Variants in SCUBE1 observed in about 807,000 individuals in gnomAD.
SCUBE1 encodes signal peptide, CUB and EGF-like domain-containing protein 1.
Under a neutral mutation model 124.4 loss-of-function variants are expected in SCUBE1, and 59 were observed. That is an observed-to-expected ratio of 0.47 (90% confidence interval 0.38 to 0.59). SCUBE1 has a LOEUF of 0.59. Among genes scored for constraint, SCUBE1 ranks in the 20% least tolerant of loss-of-function variants. SCUBE1 has a pLI of 0.00. For missense variants in SCUBE1, 1,150 were observed against 1,371.2 expected (o/e 0.84, Z 2.55); for synonymous variants, 545 against 550.9 (o/e 0.99, Z 0.15).
chr22:43,337,460 C>A (rs1927120412), intron 2 of SCUBE1, among the ~76,000 whole-genome samples: 1 of 152,194 alleles, frequency 6.6e-6, no homozygotes, highest in Non-Finnish European at 1.5e-5. Flanking sequence ...AAAGCGGTCA[C>A]ACCAGCCTCA....
At chr22:43,269,518 C>A (rs962291940) in intron 4 of SCUBE1, among the ~76,000 whole-genome samples, 13 of 152,112 alleles carry the variant, frequency 8.5e-5, no homozygotes, top group Non-Finnish European at 1.5e-4. Flanking sequence ...GTTGCTATGG[C>A]GACTTCATCA....
At chr22:43,322,443 A>G (rs901659161) in intron 2 of SCUBE1, among the ~76,000 whole-genome samples, 3 of 152,084 alleles carry the variant, frequency 2.0e-5, no homozygotes, top group African/African-American at 7.2e-5. Context: ...TCATCAACCT[A>G]CAGTTACCTG....
chr22:43,299,998 C>T (rs1925707175), intron 3 of SCUBE1, among the ~76,000 whole-genome samples: 1 of 152,242 alleles, frequency 6.6e-6, no homozygotes, highest in Admixed American at 6.5e-5. Context: ...ATTGCATGGA[C>T]AGACCACATT....
At chr22:43,313,493 G>A (rs1227490599) in intron 3 of SCUBE1, among the ~76,000 whole-genome samples, 1 of 152,218 alleles carries the variant, frequency 6.6e-6, no homozygotes, top group Non-Finnish European at 1.5e-5. Context: ...AATTTAAGAT[G>A]AAAACAATCT....
At chr22:43,337,519 G>A (rs896971210) in intron 2 of SCUBE1, among the ~76,000 whole-genome samples, 8 of 152,176 alleles carry the variant, frequency 5.3e-5, no homozygotes, top group South Asian at 2.1e-4. Context: ...GCCAGCAGCC[G>A]GGCCAGCCGC....
intron 15 of SCUBE1, among the ~76,000 whole-genome samples, chr22:43,216,192 G>C (rs1271226187): frequency 1.3e-5 from 2 of 151,696 alleles, no homozygotes; most frequent in South Asian, 4.2e-4. Context: ...GATTGCAGGC[G>C]CTCGCCACCA....
At chr22:43,217,956 G>A (rs191316634) in intron 15 of SCUBE1, among the ~76,000 whole-genome samples, 1 of 152,220 alleles carries the variant, frequency 6.6e-6, no homozygotes. Context: ...TCCCAGACTA[G>A]AGAGGGCCTG....
At chr22:43,245,600 G>A (rs1923179030) in intron 6 of SCUBE1, among the ~76,000 whole-genome samples, 1 of 152,186 alleles carries the variant, frequency 6.6e-6, no homozygotes, top group African/African-American at 2.4e-5. Context: ...AGGCTGCGGG[G>A]CCCCAACGCC....
intron 4 of SCUBE1, among the ~76,000 whole-genome samples, chr22:43,276,311 G>C (rs1351961425): frequency 6.6e-6 from 1 of 152,214 alleles, no homozygotes; most frequent in East Asian, 1.9e-4. Flanking sequence ...GGCAGAGGAG[G>C]AGCCAGGATC....
At position 43,198,876 on chromosome 22, in the gene SCUBE1, G is replaced by A. The variant is rs1003646736; in HGVS notation, c.*5121C>T. 1 of 387,076 alleles carries A rather than the reference G, an allele frequency of 2.6e-6. No individual in the cohort carries two copies. Among genetic ancestry groups the A allele is most frequent in the Non-Finnish European group, 5.1e-6 (1 of 194,230 alleles). The allele number at this position is 387,076 out of a possible 1,614,324, so 24.0% of individuals were successfully genotyped here. ...AGTGTGTCTGTCTGTCTGCTGTCTGGGGCAGTTTGCTGTCTGCTTTCCGGG... is the reference window on the plus strand; with the variant it reads ...AGTGTGTCTGTCTGTCTGCTGTCTGAGGCAGTTTGCTGTCTGCTTTCCGGG... On this transcript the variant is annotated 3_prime_UTR_variant, in exon 22 of 22. Coordinates refer to ENST00000360835, the MANE Select transcript of SCUBE1 (RefSeq NM_173050.5).
intron 4 of SCUBE1, chr22:43,282,377 C>T (rs2146740692): frequency 6.6e-6 from 1 of 152,462 alleles, no homozygotes; most frequent in East Asian, 1.9e-4. Flanking sequence ...AGACATCATT[C>T]CAGGAAAGTG....
At chr22:43,254,235 C>T (rs947985713) in intron 6 of SCUBE1, among the ~76,000 whole-genome samples, 14 of 152,326 alleles carry the variant, frequency 9.2e-5, no homozygotes, top group Admixed American at 2.0e-4. Flanking sequence ...TCTTCTCATC[C>T]GAGAAAGAGG....
chr22:43,285,287 G>A (rs1222683540), intron 4 of SCUBE1, among the ~76,000 whole-genome samples: 1 of 152,162 alleles, frequency 6.6e-6, no homozygotes, highest in Non-Finnish European at 1.5e-5. Context: ...CTGTCCCGAC[G>A]CTCCTCAGTG....
chr22:43,305,357 C>T (rs1166628788), intron 3 of SCUBE1, among the ~76,000 whole-genome samples: 1 of 152,196 alleles, frequency 6.6e-6, no homozygotes, highest in Admixed American at 6.5e-5. Flanking sequence ...AGTAAACAGA[C>T]ATTTGCAGCT....
intron 3 of SCUBE1, among the ~76,000 whole-genome samples, chr22:43,310,569 T>TC (rs1218492329): frequency 1.3e-5 from 2 of 152,164 alleles, no homozygotes; most frequent in East Asian, 3.8e-4. Flanking sequence ...CTTTCAAGTC[T>TC]CCCAGCTGAG....
At chr22:43,231,719 C>T (rs1277983942) in intron 8 of SCUBE1, 34 bp downstream of exon 8, 4 of 1,546,452 alleles carry the variant, frequency 2.6e-6, no homozygotes, top group South Asian at 2.4e-5. Context: ...TCCCGCTGGG[C>T]CCGAGAGCCA....
At position 43,343,182 on chromosome 22, in the gene SCUBE1, C is replaced by A; in HGVS notation, c.80G>T (p.Gly27Val). 8.5e-7 allele frequency: 1 copy of A among 1,181,232 alleles called. No individual in the cohort carries two copies. The highest frequency in any genetic ancestry group is 1.0e-6 in the Non-Finnish European group (1 of 955,746). The allele number at this position is 1,181,232 out of a possible 1,614,324, so 73.2% of individuals were successfully genotyped here. Residue 27 changes from glycine (G) to valine (V), a missense_variant, in exon 1 of 22, where the codon GGG becomes GTG. By Grantham distance (109) the Gly-to-Val change is moderately radical. Around this residue, in one of 3 missense-constraint regions of SCUBE1, gnomAD observed 56 missense variants for 48.1 expected, o/e 1.16. Transcript: ENST00000360835. ...GTRGRLAGGS[G>V]LPGSVDVDEC... ...CTCGGTCGGGGGCTTACCTGGGAGC[C>A]CGCTGCCCCCGGCCAGCCGCCCGCG... is the stretch of plus-strand genomic sequence containing the variant.
At chr22:43,229,552 A>T (rs910123193) in intron 8 of SCUBE1, among the ~76,000 whole-genome samples, 4 of 152,192 alleles carry the variant, frequency 2.6e-5, no homozygotes, top group Non-Finnish European at 5.9e-5. Context: ...AACGGACTGC[A>T]GCTGGCCCCA....
At chr22:43,283,439 G>A (rs1601857826) in intron 4 of SCUBE1, 1 of 152,320 alleles carries the variant, frequency 6.6e-6, no homozygotes, top group East Asian at 1.9e-4. Flanking sequence ...ATCCATCTGA[G>A]GGTTCGAGGG....
Sources: allele counts gnomAD v4.1 joint callset (sites outside exome capture counted in the v4.1 genomes callset), GRCh38; gene constraint gnomAD v4.1.1; regional missense constraint gnomAD v4.1.1; transcripts MANE v1.5; gene names NCBI Gene and HGNC (gene_info 2026-07-23, HGNC 2026-07-21).